Variants in GAREM1 observed in about 807,000 individuals in gnomAD.
GAREM1 encodes the protein GRB2 associated regulator of MAPK1 subtype 1.
A neutral mutation model predicts 71.3 loss-of-function variants in GAREM1; 26 were observed. That is an observed-to-expected ratio of 0.36 (90% CI 0.27 to 0.51). The LOEUF (loss-of-function observed/expected upper bound fraction) is 0.51, where lower values mean the gene tolerates loss of function less well. GAREM1 is among the 20% of genes least tolerant of loss of function. The pLI, the probability that GAREM1 is intolerant of heterozygous loss-of-function variation, is 0.95. For synonymous variants in GAREM1, 440 were observed against 433.2 expected, an observed-to-expected ratio of 1.02 and a Z score of -0.20; for missense variants, 1,026 against 1,103.1, an observed-to-expected ratio of 0.93 and a Z score of 0.99.
chr18:32,389,424 G>A (rs2048175766), intron 2 of GAREM1, among the ~76,000 whole-genome samples: 1 of 152,116 alleles, frequency 6.6e-6, no homozygotes, highest in Non-Finnish European at 1.5e-5. Context: ...TAAGAGAAAG[G>A]CACTATAATT....
chr18:32,344,833 G>A (rs1220601407), intron 2 of GAREM1, among the ~76,000 whole-genome samples: 1 of 152,156 alleles, frequency 6.6e-6, no homozygotes, highest in East Asian at 1.9e-4. Flanking sequence ...AGGCCAAGGC[G>A]GGCAGAACAC....
intron 1 of GAREM1, among the ~76,000 whole-genome samples, chr18:32,408,542 G>A (rs2048386539): frequency 6.6e-6 from 1 of 152,106 alleles, no homozygotes; most frequent in Non-Finnish European, 1.5e-5. Context: ...CCTAATGTCA[G>A]CATTAATACC....
chr18:32,305,236 A>G (rs1280119134), intron 3 of GAREM1, among the ~76,000 whole-genome samples: 1 of 152,146 alleles, frequency 6.6e-6, no homozygotes, highest in Non-Finnish European at 1.5e-5. Context: ...CATCAGTGAG[A>G]GGTAACCTGC....
intron 2 of GAREM1, among the ~76,000 whole-genome samples, chr18:32,378,352 T>C (rs889721026): frequency 2.6e-5 from 4 of 151,586 alleles, no homozygotes; most frequent in African/African-American, 9.7e-5. Context: ...ATACAAAAAT[T>C]AACCAAGCAT....
At chr18:32,446,729 T>C (rs993632517) in intron 1 of GAREM1, among the ~76,000 whole-genome samples, 4 of 152,206 alleles carry the variant, frequency 2.6e-5, no homozygotes, top group African/African-American at 7.2e-5. Flanking sequence ...TCAATATGTC[T>C]TGTATGAGGC....
intron 3 of GAREM1, among the ~76,000 whole-genome samples, chr18:32,289,350 T>C (rs1416275041): frequency 6.6e-6 from 1 of 152,218 alleles, no homozygotes; most frequent in African/African-American, 2.4e-5. Flanking sequence ...CTCCCTACAC[T>C]CACACTGAAG....
intron 2 of GAREM1, among the ~76,000 whole-genome samples, chr18:32,342,864 A>G (rs1286257685): frequency 6.6e-6 from 1 of 152,168 alleles, no homozygotes; most frequent in Non-Finnish European, 1.5e-5. Flanking sequence ...CCACCGACCC[A>G]CTCTAGCCAC....
At chr18:32,361,982 A>G (rs1217583994) in intron 2 of GAREM1, among the ~76,000 whole-genome samples, 1 of 152,186 alleles carries the variant, frequency 6.6e-6, no homozygotes, top group African/African-American at 2.4e-5. Context: ...TTTTCAAGCA[A>G]TGTTACAAAA....
intron 2 of GAREM1, among the ~76,000 whole-genome samples, chr18:32,318,122 T>C (rs1172628781): frequency 6.6e-6 from 1 of 152,210 alleles, no homozygotes; most frequent in Admixed American, 6.5e-5. Flanking sequence ...TGCAGGCCCC[T>C]GAAAGTTCCA....
intron 2 of GAREM1, among the ~76,000 whole-genome samples, chr18:32,354,908 T>C (rs1195682846): frequency 6.6e-6 from 1 of 152,368 alleles, no homozygotes; most frequent in East Asian, 1.9e-4. Flanking sequence ...CAGTGAACTC[T>C]GTTCCAGAAA....
At chr18:32,312,561 T>C (rs1038035392) in intron 2 of GAREM1, among the ~76,000 whole-genome samples, 14 of 152,046 alleles carry the variant, frequency 9.2e-5, no homozygotes, top group African/African-American at 3.4e-4. Flanking sequence ...AAACCAGAAA[T>C]AATAAGAATG....
chr18:32,410,725 C>T (rs1025397655), intron 1 of GAREM1, among the ~76,000 whole-genome samples: 18 of 152,082 alleles, frequency 1.2e-4, no homozygotes, highest in African/African-American at 4.3e-4. Context: ...AGTTGAGATG[C>T]TTTTATGAGA....
intron 4 of GAREM1, among the ~76,000 whole-genome samples, chr18:32,285,760 G>A (rs948185876): frequency 2.0e-5 from 3 of 152,132 alleles, no homozygotes; most frequent in Non-Finnish European, 4.4e-5. Flanking sequence ...TACCTTCCCT[G>A]TAAAACTGAG....
At position 32,348,534 on chromosome 18, in the gene GAREM1, G is replaced by C. The variant is rs531527892; in HGVS notation, c.263-38211C>G. On this transcript the variant is annotated intron_variant, in intron 2 of 5. Transcript: ENST00000269209. ...AGGCCAGGAGTTCGAGACCAGCCTG[G>C]CCAACATGGTGAAACGCCATCTCTA... is the stretch of plus-strand genomic sequence containing the variant. Among the ~76,000 whole-genome samples, 300 of 152,048 alleles carry C rather than the reference G, an allele frequency of 2.0e-3. 2 individuals are homozygous for C. The highest frequency in any genetic ancestry group is 7.0e-3 in the African/African-American group (289 of 41,460).
At chr18:32,329,210 C>T (rs1333929824) in intron 2 of GAREM1, among the ~76,000 whole-genome samples, 2 of 151,954 alleles carry the variant, frequency 1.3e-5, no homozygotes. Flanking sequence ...ACCTCAACAG[C>T]AACAACATCA....
chr18:32,304,224 T>C (rs112394247), intron 3 of GAREM1, among the ~76,000 whole-genome samples: 13,700 of 151,754 alleles, frequency 0.09, 824 homozygotes, highest in African/African-American at 0.18. Context: ...GGAGAATCGC[T>C]TGGACCTGGG....
intron 2 of GAREM1, among the ~76,000 whole-genome samples, chr18:32,370,226 G>A (rs1250798518): frequency 1.3e-5 from 2 of 151,980 alleles, no homozygotes; most frequent in Non-Finnish European, 2.9e-5. Flanking sequence ...AGGTCAGATC[G>A]AGACCATCCT....
chr18:32,352,915 T>C (rs2047765921), intron 2 of GAREM1, among the ~76,000 whole-genome samples: 1 of 152,162 alleles, frequency 6.6e-6, no homozygotes, highest in Admixed American at 6.5e-5. Flanking sequence ...AGTACTAATA[T>C]GGAAGTGGCA....
At chr18:32,290,794 T>C (rs1314329934) in intron 3 of GAREM1, among the ~76,000 whole-genome samples, 2 of 152,194 alleles carry the variant, frequency 1.3e-5, no homozygotes, top group Non-Finnish European at 2.9e-5. Flanking sequence ...TACCACTTCT[T>C]ACCTAACATA....
Sources: gnomAD v4.1 joint callset for allele counts (sites outside exome capture counted in the v4.1 genomes callset) on GRCh38, gnomAD v4.1.1 for gene constraint, MANE v1.5 for transcripts, NCBI Gene and HGNC (gene_info 2026-07-23, HGNC 2026-07-21) for gene names.